Variants in USP20 observed in about 807,000 individuals in gnomAD.
USP20 encodes the protein ubiquitin specific peptidase 20, also known as ubiquitin carboxyl-terminal hydrolase 20.
Under a neutral mutation model 124.2 loss-of-function variants are expected in USP20, and 80 were observed. The ratio of observed to expected loss-of-function variants is 0.64; its 90% CI spans 0.54 to 0.78. The LOEUF (loss-of-function observed/expected upper bound fraction) is 0.78. Among genes scored for constraint, USP20 ranks in the 30% least tolerant of loss-of-function variants. The pLI is 0.00. For synonymous variants in USP20, 481 were observed against 512.3 expected (o/e 0.94, Z 0.83); for missense variants, 1,043 against 1,244.4 (o/e 0.84, Z 2.44).
intron 2 of USP20, 97 bp from the exon 3 acceptor site, chr9:129,852,443 G>A (rs2032974767): frequency 9.8e-7 from 1 of 1,019,660 alleles, no homozygotes; most frequent in African/African-American, 1.6e-5. Context: ...TGGCAGACCA[G>A]GACTCAAGGC....
At chr9:129,864,630 T>C (rs1476776537) in intron 9 of USP20, among the ~76,000 whole-genome samples, 3 of 151,592 alleles carry the variant, frequency 2.0e-5, no homozygotes, top group Non-Finnish European at 4.4e-5. Flanking sequence ...AAAAATTAGC[T>C]GGGCATGGTG....
At chr9:129,856,177 G>C in intron 3 of USP20, 130 bp from the exon 4 acceptor site, 2 of 883,752 alleles carry the variant, frequency 2.3e-6, no homozygotes, top group Non-Finnish European at 3.7e-6. Flanking sequence ...TCTGGGGCCA[G>C]GGCTTGAAGC....
chr9:129,867,375 C>T (rs902900207), intron 10 of USP20, among the ~76,000 whole-genome samples: 11 of 152,164 alleles, frequency 7.2e-5, no homozygotes, highest in Non-Finnish European at 1.5e-4. Flanking sequence ...GATTTGAGAC[C>T]CAGGCAGCCT....
rs2033337702 is a variant in USP20, at chr9:129,858,478, C to T, written c.210C>T (p.His70=). The part of the protein sequence containing the change: ...HSTIHAQAKK[H]NLTVNLTTFR... ...ATATCACCCTCTAGGCAAAAAAGCA[C>T]AACTTGACCGTGAACCTGACCACGT... is the stretch of plus-strand genomic sequence containing the variant. Residue 70 remains histidine (H), a synonymous_variant, in exon 6 of 26, where the codon CAC becomes CAT. Coordinates refer to ENST00000372429, the MANE Select transcript of USP20 (RefSeq NM_001110303.4). The T allele has an allele frequency of 6.2e-7, 1 of 1,614,062 alleles. No individual in the cohort carries two copies. Among genetic ancestry groups the T allele is most frequent in the African/African-American group, 1.3e-5 (1 of 74,938 alleles).
intron 9 of USP20, 25 bp from the exon 10 acceptor site, chr9:129,865,269 GCTACCTGGA>G (rs1297371355): frequency 1.2e-6 from 2 of 1,611,366 alleles, no homozygotes. Flanking sequence ...CTCAAGGCAG[GCTACCTGGA>G]CTAATGGGTT....
At position 129,873,761 on chromosome 9, in the gene USP20, G is replaced by A. The variant is rs188568946; in HGVS notation, c.1740+17G>A. The A allele has an allele frequency of 6.2e-5, 100 of 1,609,764 alleles. No homozygotes were observed. The East Asian group carries it at 1.9e-3, about 30-fold the overall frequency. Reference sequence around the variant, plus strand: ...TTGCCCGAGGTGAGCCAGTGGCCTCGGCAGCCTCCTCCTCAGCTATCTCGG... The same window carrying A: ...TTGCCCGAGGTGAGCCAGTGGCCTCAGCAGCCTCCTCCTCAGCTATCTCGG... On this transcript the variant is annotated intron_variant, in intron 17 of 25. Coordinates refer to ENST00000372429, the MANE Select transcript of USP20 (RefSeq NM_001110303.4).
chr9:129,842,368 G>A (rs1216181814), intron 1 of USP20, among the ~76,000 whole-genome samples: 1 of 152,092 alleles, frequency 6.6e-6, no homozygotes, highest in Non-Finnish European at 1.5e-5. Flanking sequence ...CCTCCCTAGT[G>A]TCTGCTTGCA....
At chr9:129,878,933 T>C (rs892408139) in intron 23 of USP20, among the ~76,000 whole-genome samples, 1 of 152,208 alleles carries the variant, frequency 6.6e-6, no homozygotes, top group South Asian at 2.1e-4. Flanking sequence ...ATCTAACCTG[T>C]GGCTCCGGGG....
Position 129,873,666 on chromosome 9 carries a change from G to A in USP20, c.1695-33G>A, listed in dbSNP as rs1465408040. ...TTCCCTGGCCCCTGGCCCTGATGCC[G>A]GACACTGATGCTGGCTCGTGCTTCC... On this transcript the variant is annotated intron_variant, in intron 16 of 25. Transcript: ENST00000372429. The A allele has an allele frequency of 1.9e-6, 3 of 1,613,544 alleles. No individual in the cohort carries two copies. The African/African-American group carries it at 4.0e-5, about 22-fold the overall frequency.
rs1006695007 is a variant in USP20 at position 129,880,276 on chromosome 9, TGCTGG to T, written c.*7_*11del. ...AAGCCGAGACGCGGGCCGTGTGATC[TGCTGG>T]GCTAGTCTGTAAGTCGCCCCGGCTG... On this transcript the variant is annotated 3_prime_UTR_variant, in exon 25 of 26. Transcript: ENST00000372429. 1 of 1,589,178 alleles carries T rather than the reference TGCTGG, an allele frequency of 6.3e-7. No individual in the cohort carries two copies. The highest frequency in any genetic ancestry group is 1.3e-5 in the African/African-American group (1 of 74,632).
intron 1 of USP20, among the ~76,000 whole-genome samples, chr9:129,847,708 C>T (rs1465300490): frequency 6.6e-5 from 10 of 152,152 alleles, no homozygotes; most frequent in Admixed American, 6.6e-4. Context: ...CAGGTGTATA[C>T]ACTTGATTAA....
intron 1 of USP20, among the ~76,000 whole-genome samples, chr9:129,845,279 C>G (rs2032472895): frequency 6.6e-6 from 1 of 152,062 alleles, no homozygotes; most frequent in African/African-American, 2.4e-5. Context: ...AACAGAGGCT[C>G]TGTCCCCTAT....
intron 2 of USP20, among the ~76,000 whole-genome samples, chr9:129,851,286 G>A (rs2131048720): frequency 7.4e-6 from 1 of 134,686 alleles, no homozygotes; most frequent in East Asian, 2.0e-4. Flanking sequence ...TTGAGATGAG[G>A]TCTTGCTCTG....
intron 21 of USP20, 88 bp from the exon 22 acceptor site, chr9:129,876,042 G>T: frequency 8.2e-7 from 1 of 1,217,086 alleles, no homozygotes; most frequent in Non-Finnish European, 1.2e-6. Flanking sequence ...GGCACTGATG[G>T]CTTGAGGGGG....
intron 6 of USP20, among the ~76,000 whole-genome samples, chr9:129,859,077 G>A (rs1274009803): frequency 6.6e-6 from 1 of 151,574 alleles, no homozygotes; most frequent in Non-Finnish European, 1.5e-5. Context: ...CCAGAGAATG[G>A]TCCTTTGATC....
chr9:129,868,982 C>T lies in USP20; in HGVS notation c.1256C>T (p.Pro419Leu), dbSNP rs200132076. ...CGTGCAAGCCCCGTGAGGATGGCAC[C>T]GTCGTACGTGCTCAAGAAAGGTTCG... The part of the protein sequence containing the change: ...PPRASPVRMA[P>L]SYVLKKAQVL... Residue 419 changes from proline (P) to leucine (L), a missense_variant, in exon 12 of 26, where the codon CCG (proline) becomes CTG (leucine). By Grantham distance (98) the Pro-to-Leu change is moderately conservative. Coordinates refer to ENST00000372429, the MANE Select transcript of USP20 (RefSeq NM_001110303.4). The T allele has an allele frequency of 1.4e-5, 22 of 1,610,940 alleles. No homozygotes were observed. The East Asian group carries it at 1.6e-4, about 11-fold the overall frequency.
chr9:129,836,444 G>A (rs529170518), intron 1 of USP20, among the ~76,000 whole-genome samples: 61 of 152,316 alleles, frequency 4.0e-4, no homozygotes, highest in African/African-American at 1.3e-3. Flanking sequence ...AGGTGGAACA[G>A]GAATTGGTTG....
chr9:129,880,542 TAA>T lies in USP20; in HGVS notation c.*94_*95del, dbSNP rs1333664169. The T allele has an allele frequency of 2.1e-6, 1 of 469,508 alleles. No homozygotes were observed. The highest frequency in any genetic ancestry group is 5.8e-4 in the Middle Eastern group (1 of 1,736). 29.1% of individuals were successfully genotyped at this position (469,508 alleles called of 1,614,324 possible). The stretch of plus-strand genomic sequence containing the variant: ...CGGGCTGCTGCAGAACCCCGCCGTG[TAA>T]AGAGGCAGAAAAGTTGGTTTGGTTT... On this transcript the variant is annotated 3_prime_UTR_variant, in exon 26 of 26. Transcript: ENST00000372429.
At chr9:129,859,225 G>A (rs547361807) in intron 6 of USP20, among the ~76,000 whole-genome samples, 9 of 35,810 alleles carry the variant, frequency 2.5e-4, no homozygotes, top group African/African-American at 6.1e-4. Context: ...GCCAGGACAT[G>A]TGTGCAGCAT....
Sources: gnomAD v4.1 joint callset for allele counts (sites outside exome capture counted in the v4.1 genomes callset) on GRCh38, gnomAD v4.1.1 for gene constraint, MANE v1.5 for transcripts, NCBI Gene and HGNC (gene_info 2026-07-23, HGNC 2026-07-21) for gene names.